The following HGSNAT variants were observed in gnomAD, a reference collection of about 807,000 sequenced individuals.
HGSNAT encodes the protein transmembrane protein 76.
A neutral mutation model predicts 85.2 loss-of-function variants in HGSNAT; 59 were observed. The observed-to-expected ratio is 0.69, with a 90% CI of 0.56 to 0.86. The LOEUF is 0.86. HGSNAT is among the 40% of genes least tolerant of loss of function. The pLI, the probability that HGSNAT is intolerant of heterozygous loss-of-function variation, is 0.00. For missense variants in HGSNAT, 756 were observed against 777.1 expected (o/e 0.97, Z 0.32); for synonymous variants, 321 against 304.5 (o/e 1.05, Z -0.56).
chr8:43,157,950 T>G (rs1022335220), intron 2 of HGSNAT, among the ~76,000 whole-genome samples: 3 of 152,200 alleles, frequency 2.0e-5, no homozygotes, highest in Admixed American at 2.0e-4. Context: ...GTTACAAATA[T>G]GCACATTAGA....
chr8:43,149,860 G>A (rs1802844961), intron 2 of HGSNAT, among the ~76,000 whole-genome samples: 1 of 152,224 alleles, frequency 6.6e-6, no homozygotes, highest in South Asian at 2.1e-4. Context: ...TTAAGGTGAA[G>A]GTATGCCCAA....
chr8:43,173,278 C>T (rs1452170681), intron 8 of HGSNAT, among the ~76,000 whole-genome samples: 1 of 152,110 alleles, frequency 6.6e-6, no homozygotes, highest in Non-Finnish European at 1.5e-5. Context: ...GTGTGAGCCA[C>T]ACCACACCTG....
intron 8 of HGSNAT, among the ~76,000 whole-genome samples, chr8:43,173,455 G>A (rs1362639381): frequency 5.3e-5 from 8 of 151,886 alleles, no homozygotes; most frequent in Non-Finnish European, 8.8e-5. Context: ...GATTACAGGT[G>A]CCCGCCACCA....
chr8:43,170,111 G>C (rs369148635), intron 6 of HGSNAT, among the ~76,000 whole-genome samples: 3 of 152,190 alleles, frequency 2.0e-5, no homozygotes, highest in African/African-American at 7.2e-5. Context: ...GTGAGCCACT[G>C]TGCCTACAGA....
intron 14 of HGSNAT, chr8:43,194,593 G>C (rs1804646530): frequency 1.4e-5 from 13 of 908,990 alleles, no homozygotes; most frequent in Non-Finnish European, 1.6e-5. Context: ...GTCTGGTGAG[G>C]GTCTGGGCTC....
chr8:43,155,002 G>A (rs1259556080), intron 2 of HGSNAT, among the ~76,000 whole-genome samples: 1 of 152,172 alleles, frequency 6.6e-6, no homozygotes, highest in Admixed American at 6.5e-5. Context: ...TTTGAGAAGT[G>A]TCTGTTCATA....
chr8:43,148,647 G>A (rs1346096773), intron 2 of HGSNAT, among the ~76,000 whole-genome samples: 1 of 151,374 alleles, frequency 6.6e-6, no homozygotes, highest in Admixed American at 6.6e-5. Context: ...AAAATTACCC[G>A]GGCATGGTAG....
chr8:43,150,618 G>T (rs552073391), intron 2 of HGSNAT, among the ~76,000 whole-genome samples: 129 of 152,256 alleles, frequency 8.5e-4, no homozygotes, highest in Non-Finnish European at 1.7e-3. Context: ...CGGATCACAA[G>T]GTCAGGAGAT....
At chr8:43,195,654 C>G (rs971375218) in intron 14 of HGSNAT, among the ~76,000 whole-genome samples, 29 of 6,410 alleles carry the variant, frequency 4.5e-3, no homozygotes, top group East Asian at 0.011. Context: ...GGAGGAGGGG[C>G]TGGAGGAGGA....
chr8:43,166,456 T>C (rs529640409), intron 5 of HGSNAT, among the ~76,000 whole-genome samples: 51 of 152,280 alleles, frequency 3.3e-4, no homozygotes, highest in African/African-American at 1.2e-3. Context: ...AATCCTAGGG[T>C]CCTTAAGAAT....
chr8:43,151,105 C>A (rs762970168), intron 2 of HGSNAT, among the ~76,000 whole-genome samples: 1 of 152,068 alleles, frequency 6.6e-6, no homozygotes, highest in African/African-American at 2.4e-5. Flanking sequence ...CAAAGTACAT[C>A]GAAAATAATG....
chr8:43,195,386 C>T (rs1804669657), intron 14 of HGSNAT, among the ~76,000 whole-genome samples: 1 of 151,948 alleles, frequency 6.6e-6, no homozygotes, highest in Non-Finnish European at 1.5e-5. Flanking sequence ...TTAAGAAAGC[C>T]ATAAGGAAGA....
chr8:43,146,390 C>A (rs1043350686), intron 1 of HGSNAT, among the ~76,000 whole-genome samples: 1 of 152,204 alleles, frequency 6.6e-6, no homozygotes, highest in South Asian at 2.1e-4. Flanking sequence ...TTCTAACAAG[C>A]TGCCTGGCTA....
At chr8:43,193,965 T>C in intron 14 of HGSNAT, 122 bp downstream of exon 14, 1 of 1,472,494 alleles carries the variant, frequency 6.8e-7, no homozygotes, top group African/African-American at 1.4e-5. Flanking sequence ...GGGCCTAATA[T>C]ATTCTGTTAT....
At position 43,191,589 on chromosome 8, in the gene HGSNAT, G is replaced by A; in HGVS notation, c.1244G>A (p.Cys415Tyr). ...GLTFLLPVPG[C>Y]PTGYLGPGGI... ...ACATTCCTCCTGCCAGTCCCTGGGT[G>A]CCCTACGTAAGCGAACCCCTGGGGG... is the stretch of plus-strand genomic sequence containing the variant. The change falls in exon 12 of 18, where the codon TGC becomes TAC. Residue 415 changes from cysteine (C) to tyrosine (Y), a missense_variant. Cys to Tyr is a radical substitution (Grantham distance 194). Coordinates refer to ENST00000379644, the MANE Select transcript of HGSNAT (RefSeq NM_152419.3). The A allele has an allele frequency of 6.2e-7, 1 of 1,613,858 alleles. No individual in the cohort carries two copies.
intron 7 of HGSNAT, among the ~76,000 whole-genome samples, chr8:43,171,222 C>A (rs1234878453): frequency 6.6e-6 from 1 of 152,194 alleles, no homozygotes; most frequent in Non-Finnish European, 1.5e-5. Context: ...AATAAATACA[C>A]AGGTATCAGC....
At chr8:43,155,493 A>G (rs1226887583) in intron 2 of HGSNAT, among the ~76,000 whole-genome samples, 1 of 152,074 alleles carries the variant, frequency 6.6e-6, no homozygotes, top group East Asian at 1.9e-4. Flanking sequence ...TGAGTTCCTT[A>G]TATATTCTGT....
intron 5 of HGSNAT, among the ~76,000 whole-genome samples, chr8:43,163,326 G>A (rs183678315): frequency 2.6e-4 from 40 of 152,206 alleles, no homozygotes; most frequent in African/African-American, 8.7e-4. Context: ...TCTTGACAAA[G>A]CAGGAGTCCC....
At chr8:43,162,554 A>ATTTT (rs34568555) in intron 5 of HGSNAT, among the ~76,000 whole-genome samples, 1 of 143,322 alleles carries the variant, frequency 7.0e-6, no homozygotes, top group African/African-American at 2.6e-5. Flanking sequence ...TCTATTATGG[A>ATTTT]TTTTTTTTTT....
Sources: gnomAD v4.1 joint callset for allele counts (sites outside exome capture counted in the v4.1 genomes callset) on GRCh38, gnomAD v4.1.1 for gene constraint, MANE v1.5 for transcripts, NCBI Gene and HGNC (gene_info 2026-07-23, HGNC 2026-07-21) for gene names.